DLGAP1: variants seen among roughly 807,000 people sequenced by gnomAD.
The protein encoded by DLGAP1 is disks large-associated protein 1.
In DLGAP1, 11 loss-of-function variants were observed where a neutral mutation model predicts 90.8. The ratio of observed to expected loss-of-function variants is 0.12; its 90% confidence interval spans 0.08 to 0.20. The LOEUF (loss-of-function observed/expected upper bound fraction) is 0.20, where lower values mean the gene tolerates loss of function less well. Ranked by LOEUF, DLGAP1 falls within the 10% of genes least tolerant of loss-of-function variation. The pLI is 1.00. For missense variants in DLGAP1, 1,050 were observed against 1,333.8 expected (o/e 0.79, Z 3.31); for synonymous variants, 558 against 540.7 (o/e 1.03, Z -0.44).
intron 6 of DLGAP1, among the ~76,000 whole-genome samples, chr18:3,740,845 C>T (rs1220980004): frequency 6.7e-6 from 1 of 150,342 alleles, no homozygotes; most frequent in Non-Finnish European, 1.5e-5. Context: ...TAATCATCAC[C>T]ACCACCATCA....
chr18:3,741,028 A>G (rs2062914175), intron 6 of DLGAP1, among the ~76,000 whole-genome samples: 1 of 94,178 alleles, frequency 1.1e-5, no homozygotes, highest in Non-Finnish European at 2.1e-5. Flanking sequence ...CACCACCACC[A>G]CCACCACCAT....
rs371495412 is a variant in DLGAP1 at position 3,862,521 on chromosome 18, G to A, written c.957+16591C>T. 2.2e-4 allele frequency among the ~76,000 whole-genome samples: 33 copies of A among 147,842 alleles called. No individual in the cohort carries two copies. The East Asian group carries it at 7.3e-3, about 33-fold the overall frequency. ...TGCCTACTTGGCTGATGGTGAGGGA[G>A]GTACAAAACGCAGAGGAGCCGACAG... is the stretch of plus-strand genomic sequence containing the variant. On this transcript the variant is annotated intron_variant, in intron 4 of 12. Transcript: ENST00000315677.
rs780122059 is a variant in DLGAP1, at chr18:3,517,016, A to G, written c.2480-8355T>C. Among the ~76,000 whole-genome samples, 1 of 152,196 alleles carries G rather than the reference A, an allele frequency of 6.6e-6. No individual in the cohort carries two copies. Among genetic ancestry groups the G allele is most frequent in the Non-Finnish European group, 1.5e-5 (1 of 68,034 alleles). ...AGTGAGCAGCAATATTTTGGAAGAA[A>G]TCTTTTTTTCTGAGCCATAGGTCTC... On this transcript the variant is annotated intron_variant, in intron 10 of 12. Coordinates refer to ENST00000315677, the MANE Select transcript of DLGAP1 (RefSeq NM_004746.4). The surrounding 1 kb of genome is among the most constrained non-coding windows in gnomAD (Gnocchi z 4.1).
chr18:3,882,737 C>G (rs1233407157), intron 3 of DLGAP1, among the ~76,000 whole-genome samples: 1 of 152,100 alleles, frequency 6.6e-6, no homozygotes, highest in Non-Finnish European at 1.5e-5. Context: ...GCTATTCCAT[C>G]AGGGCAGAGT....
intron 8 of DLGAP1, among the ~76,000 whole-genome samples, chr18:3,576,753 A>T (rs1193524466): frequency 6.7e-6 from 1 of 150,202 alleles, no homozygotes; most frequent in Non-Finnish European, 1.5e-5. Context: ...TTTAGTAGAG[A>T]TGGCGTTTCT....
intron 1 of DLGAP1, among the ~76,000 whole-genome samples, chr18:4,322,125 G>A (rs1012085558): frequency 1.3e-4 from 20 of 152,054 alleles, no homozygotes; most frequent in East Asian, 7.7e-4. Context: ...GCTTGAACCC[G>A]GGAGGCTGAG....
intron 1 of DLGAP1, among the ~76,000 whole-genome samples, chr18:4,398,972 C>T (rs1313100141): frequency 1.3e-5 from 2 of 152,156 alleles, no homozygotes; most frequent in South Asian, 2.1e-4. Flanking sequence ...GCTGGGACTA[C>T]AAGCGCGCAC....
intron 3 of DLGAP1, among the ~76,000 whole-genome samples, chr18:3,919,807 C>A (rs2072226390): frequency 6.6e-6 from 1 of 152,208 alleles, no homozygotes; most frequent in African/African-American, 2.4e-5. Context: ...GGCCACACAG[C>A]AGCTAGTAAG....
chr18:3,879,244 C>G lies in DLGAP1; in HGVS notation c.825G>C (p.Lys275Asn), dbSNP rs567191429. ...TGAGCGTGGAGGACCAGGCGCTCTT[C>G]TTCAGCAGCGGGGTGTCCAGGCTGA... ...LPVSLDTPLL[K>N]KSAWSSTLTV... is the part of the protein sequence containing the mutation. The change falls in exon 4 of 13, where the codon AAG (lysine) becomes AAC (asparagine). Residue 275 changes from lysine (K) to asparagine (N), a missense_variant. Lys to Asn is a moderately conservative substitution (Grantham distance 94, BLOSUM62 0). Coordinates refer to ENST00000315677, the MANE Select transcript of DLGAP1 (RefSeq NM_004746.4). This position sits in a 1 kb window ranked among gnomAD's most constrained non-coding sequence, Gnocchi z 6.6. The G allele has an allele frequency of 6.3e-7, 1 of 1,597,236 alleles. No homozygotes were observed. Among genetic ancestry groups the G allele is most frequent in the Non-Finnish European group, 8.5e-7 (1 of 1,171,636 alleles).
At chr18:3,911,149 C>T (rs918703276) in intron 3 of DLGAP1, among the ~76,000 whole-genome samples, 6 of 152,134 alleles carry the variant, frequency 3.9e-5, no homozygotes, top group East Asian at 3.9e-4. Flanking sequence ...AGGACAAAAG[C>T]GTTGACTGGG....
chr18:3,694,040 C>T (rs1812150), intron 7 of DLGAP1, among the ~76,000 whole-genome samples: 5 of 112,726 alleles, frequency 4.4e-5, no homozygotes, highest in South Asian at 2.5e-4. Flanking sequence ...AGCCACCCCC[C>T]CCTCAGCCCC....
rs374966335 is a variant in DLGAP1, at chr18:4,233,890, A to G, written c.-266-82603T>C. ...TCTTTATTCCTATACTTATTTTAAT[A>G]CAAATAAACATAATACAAATGTATT... On this transcript the variant is annotated intron_variant, in intron 1 of 12. Coordinates refer to ENST00000315677, the MANE Select transcript of DLGAP1 (RefSeq NM_004746.4). 1.2e-4 allele frequency among the ~76,000 whole-genome samples: 19 copies of G among 152,292 alleles called. 4 individuals are homozygous for G. Among genetic ancestry groups the G allele is most frequent in the East Asian group, 3.9e-4 (2 of 5,182 alleles).
chr18:4,395,939 GAC>G (rs1243994448), intron 1 of DLGAP1, among the ~76,000 whole-genome samples: 2 of 152,128 alleles, frequency 1.3e-5, no homozygotes, highest in African/African-American at 4.8e-5. Flanking sequence ...TGGGAAAAGT[GAC>G]AGAGTCTACC....
intron 2 of DLGAP1, among the ~76,000 whole-genome samples, chr18:4,027,873 G>C (rs1236804304): frequency 6.6e-6 from 1 of 152,176 alleles, no homozygotes; most frequent in Non-Finnish European, 1.5e-5. Context: ...CCTTGAATTT[G>C]ATTTACTCCA....
rs746392887 is a variant in DLGAP1, at chr18:4,383,543, C to A, written c.-267+71463G>T. ...GGTTTTAAACCTATCAGTTACTGAA[C>A]AAGCTCTGTATGCACTTAGACAAAA... On this transcript the variant is annotated intron_variant, in intron 1 of 12. Coordinates refer to ENST00000315677, the MANE Select transcript of DLGAP1 (RefSeq NM_004746.4). This position sits in a 1 kb window ranked among gnomAD's most constrained non-coding sequence, Gnocchi z 4.0. Among the ~76,000 whole-genome samples the A allele has an allele frequency of 6.6e-6, 1 of 151,818 alleles. No homozygotes were observed. The highest frequency in any genetic ancestry group is 1.9e-4 in the East Asian group (1 of 5,154).
intron 4 of DLGAP1, among the ~76,000 whole-genome samples, chr18:3,863,151 G>T (rs1209598688): frequency 6.6e-6 from 1 of 152,226 alleles, no homozygotes; most frequent in Non-Finnish European, 1.5e-5. Context: ...TGAGAAACTG[G>T]ATTTTTATTT....
At chr18:4,030,474 T>C (rs1053252249) in intron 2 of DLGAP1, among the ~76,000 whole-genome samples, 3 of 152,174 alleles carry the variant, frequency 2.0e-5, no homozygotes, top group Admixed American at 6.5e-5. Context: ...AACCCAGAGA[T>C]TCATTCTTTT....
chr18:3,933,333 T>C (rs1404069407), intron 3 of DLGAP1, among the ~76,000 whole-genome samples: 1 of 152,208 alleles, frequency 6.6e-6, no homozygotes, highest in African/African-American at 2.4e-5. Context: ...GGGCTGAGAA[T>C]TGATCATCAC....
At position 4,383,397 on chromosome 18, in the gene DLGAP1, C is replaced by T. The variant is rs887916218; in HGVS notation, c.-267+71609G>A. ...TTCATTAGCATTCATTTTCCTTTTC[C>T]TTACATAATTAAATTTTGAAAATAT... is the stretch of plus-strand genomic sequence containing the variant. On this transcript the variant is annotated intron_variant, in intron 1 of 12. Transcript: ENST00000315677. This position sits in a 1 kb window ranked among gnomAD's most constrained non-coding sequence, Gnocchi z 4.0. Among the ~76,000 whole-genome samples the T allele has an allele frequency of 6.6e-6, 1 of 151,848 alleles. No individual in the cohort carries two copies. Among genetic ancestry groups the T allele is most frequent in the Admixed American group, 6.6e-5 (1 of 15,224 alleles).
Sources: gnomAD v4.1 joint callset for allele counts (sites outside exome capture counted in the v4.1 genomes callset) on GRCh38, gnomAD v4.1.1 for gene constraint, Gnocchi (gnomAD v3.1) non-coding constraint, MANE v1.5 for transcripts, NCBI Gene and HGNC (gene_info 2026-07-23, HGNC 2026-07-21) for gene names.